UNC13C: variants seen among roughly 807,000 people sequenced by gnomAD.
UNC13C encodes the protein protein unc-13 homolog C.
UNC13C carries 174 observed loss-of-function variants against 245.4 expected under a neutral mutation model. That is an observed-to-expected ratio of 0.71 (90% CI 0.63 to 0.80). The LOEUF is 0.80. Among genes scored for constraint, UNC13C ranks in the 30% least tolerant of loss-of-function variants. The pLI, the probability that UNC13C is intolerant of heterozygous loss-of-function variation, is 0.00. For synonymous variants in UNC13C, 992 were observed against 895.1 expected (o/e 1.11, Z -1.93); for missense variants, 2,829 against 2,602.9 (o/e 1.09, Z -1.89).
intron 16 of UNC13C, among the ~76,000 whole-genome samples, chr15:54,336,220 T>C (rs1162524128): frequency 6.6e-6 from 1 of 152,058 alleles, no homozygotes; most frequent in East Asian, 1.9e-4. Flanking sequence ...CTTTAAAATG[T>C]GTATACATTG....
chr15:54,034,026 C>T (rs1008374489), intron 2 of UNC13C, among the ~76,000 whole-genome samples: 4 of 152,186 alleles, frequency 2.6e-5, no homozygotes, highest in African/African-American at 4.8e-5. Flanking sequence ...ATAGTGCTAG[C>T]GATTTCTCTG....
chr15:54,468,713 C>A (rs553725957), intron 19 of UNC13C, among the ~76,000 whole-genome samples: 1 of 151,716 alleles, frequency 6.6e-6, no homozygotes, highest in African/African-American at 2.4e-5. Context: ...CTGTCCTTTC[C>A]CCATTGTGTG....
intron 27 of UNC13C, among the ~76,000 whole-genome samples, chr15:54,548,598 G>C (rs541207999): frequency 6.6e-6 from 1 of 151,958 alleles, no homozygotes; most frequent in Admixed American, 6.6e-5. Context: ...GCAAGGGCTT[G>C]GACTGTTCTG....
chr15:53,849,117 C>A, the UNC13C span, among the ~76,000 whole-genome samples: 1 of 151,546 alleles, frequency 6.6e-6, no homozygotes, highest in Non-Finnish European at 1.5e-5. Flanking sequence ...AAGTGAATTT[C>A]TTGTAGATAG....
At chr15:54,613,155 A>G (rs1900214488) in intron 30 of UNC13C, among the ~76,000 whole-genome samples, 1 of 151,912 alleles carries the variant, frequency 6.6e-6, no homozygotes. Context: ...CAAAATCAAT[A>G]GCTTTTTTAC....
chr15:54,195,611 C>A lies in UNC13C; in HGVS notation c.3072-39419C>A, dbSNP rs535273492. On this transcript the variant is annotated intron_variant, in intron 4 of 32. Transcript: ENST00000260323. The stretch of plus-strand genomic sequence containing the variant: ...ACAAGGTAAGCCACGCTTTATATAA[C>A]CTAAACTTCTCTGAATATTGAGGAT... Among the ~76,000 whole-genome samples the A allele has an allele frequency of 8.6e-5, 13 of 152,004 alleles. No individual in the cohort carries two copies. The South Asian group carries it at 2.7e-3, about 32-fold the overall frequency.
At position 54,475,351 on chromosome 15, in the gene UNC13C, C is replaced by T. The variant is rs1275312973; in HGVS notation, c.4934-19257C>T. Among the ~76,000 whole-genome samples, 14 of 150,738 alleles carry T rather than the reference C, an allele frequency of 9.3e-5. 1 individual carries two copies. In the East Asian group the frequency reaches 2.3e-3, roughly 25 times the overall value. ...CTTTAAGTTTTAGGGTACATGTGCA[C>T]AATGTGCAGGTTAGTTACATATGTA... On this transcript the variant is annotated intron_variant, in intron 19 of 32. Transcript: ENST00000260323.
At chr15:54,049,659 T>C (rs1897190745) in intron 2 of UNC13C, 2 of 231,528 alleles carry the variant, frequency 8.6e-6, no homozygotes, top group Non-Finnish European at 1.7e-5. Flanking sequence ...ACTCCAGCAG[T>C]CTGAGTGCCG....
chr15:54,522,316 C>CAAA (rs35594697), intron 24 of UNC13C, among the ~76,000 whole-genome samples: 1 of 108,774 alleles, frequency 9.2e-6, no homozygotes, highest in Non-Finnish European at 2.0e-5. Flanking sequence ...ACTAAAAATA[C>CAAA]AAAAAAAAAA....
intron 1 of UNC13C, among the ~76,000 whole-genome samples, chr15:54,010,246 A>G (rs1189413404): frequency 1.3e-5 from 2 of 152,214 alleles, no homozygotes; most frequent in Non-Finnish European, 2.9e-5. Context: ...ATAAAAATTT[A>G]AAGTTAAATA....
At chr15:54,477,222 G>C (rs917097008) in intron 19 of UNC13C, among the ~76,000 whole-genome samples, 8 of 118,056 alleles carry the variant, frequency 6.8e-5, no homozygotes, top group African/African-American at 2.7e-4. Flanking sequence ...AGACGATGGG[G>C]TTTTCTAGAT....
chr15:54,291,032 A>G (rs1376930718), intron 10 of UNC13C, among the ~76,000 whole-genome samples: 2 of 152,088 alleles, frequency 1.3e-5, no homozygotes, highest in African/African-American at 2.4e-5. Flanking sequence ...TTTTTCTAAG[A>G]TAAGAATGAA....
At chr15:53,861,326 T>C in the UNC13C span, among the ~76,000 whole-genome samples, 2 of 152,176 alleles carry the variant, frequency 1.3e-5, no homozygotes, top group African/African-American at 4.8e-5. Flanking sequence ...TTTGTGTTTA[T>C]ACAAGGATAT....
chr15:53,907,798 C>T, the UNC13C span, among the ~76,000 whole-genome samples: 6 of 116,280 alleles, frequency 5.2e-5, no homozygotes, highest in African/African-American at 1.3e-4. Flanking sequence ...ATCTCTAGTT[C>T]CAAGCACAAT....
chr15:54,498,484 T>A (rs1228668009), intron 20 of UNC13C, among the ~76,000 whole-genome samples: 1 of 152,248 alleles, frequency 6.6e-6, no homozygotes, highest in East Asian at 1.9e-4. Flanking sequence ...AATTAAGTGC[T>A]AATAAAATAT....
At chr15:54,144,881 TTA>T in intron 4 of UNC13C, among the ~76,000 whole-genome samples, 1 of 152,124 alleles carries the variant, frequency 6.6e-6, no homozygotes, top group Admixed American at 6.6e-5. Flanking sequence ...TATACACAGT[TTA>T]TATATTCATA....
At chr15:54,380,889 A>C (rs2039709771) in intron 17 of UNC13C, among the ~76,000 whole-genome samples, 1 of 152,008 alleles carries the variant, frequency 6.6e-6, no homozygotes, top group Non-Finnish European at 1.5e-5. Context: ...GATGGCAAAT[A>C]TTTTTCTGGT....
chr15:54,273,792 C>G (rs1007837733), intron 10 of UNC13C, among the ~76,000 whole-genome samples: 1 of 152,134 alleles, frequency 6.6e-6, no homozygotes, highest in Non-Finnish European at 1.5e-5. Flanking sequence ...GGTTCATTCC[C>G]TCACTTCTTG....
chr15:53,896,574 C>T, the UNC13C span, among the ~76,000 whole-genome samples: 3 of 152,066 alleles, frequency 2.0e-5, no homozygotes, highest in East Asian at 5.8e-4. Flanking sequence ...TTTTTCACCC[C>T]TAAGCCTTAT....
Sources: allele counts gnomAD v4.1 joint callset (sites outside exome capture counted in the v4.1 genomes callset), GRCh38; gene constraint gnomAD v4.1.1; transcripts MANE v1.5; gene names NCBI Gene and HGNC (gene_info 2026-07-23, HGNC 2026-07-21).